Variants in SLIT3 observed in about 807,000 individuals in gnomAD.
SLIT3 encodes slit homolog 3 protein.
Under a neutral mutation model 184.0 loss-of-function variants are expected in SLIT3, and 68 were observed. The ratio of observed to expected loss-of-function variants is 0.37; its 90% confidence interval spans 0.30 to 0.45. The LOEUF (loss-of-function observed/expected upper bound fraction) is 0.45. SLIT3 is among the 20% of genes least tolerant of loss of function. The pLI is 1.00. For synonymous variants in SLIT3, 831 were observed against 828.6 expected (o/e 1.00, Z -0.05); for missense variants, 1,707 against 2,026.0 (o/e 0.84, Z 3.02).
At chr5:169,054,216 TA>T (rs35649544) in intron 4 of SLIT3, among the ~76,000 whole-genome samples, 7,080 of 69,766 alleles carry the variant, frequency 0.1, 183 homozygotes, top group Middle Eastern at 0.12. Flanking sequence ...AGAGAGACAC[TA>T]AAAAAAAAAA....
intron 10 of SLIT3, chr5:168,791,336 A>G (rs1756359551): frequency 6.6e-6 from 1 of 152,220 alleles, no homozygotes; most frequent in Non-Finnish European, 1.5e-5. Flanking sequence ...TTCAGTCCAC[A>G]ACTAGACTTC....
chr5:169,171,945 G>C (rs11958173), intron 4 of SLIT3, among the ~76,000 whole-genome samples: 1,619 of 152,284 alleles, frequency 0.011, 38 homozygotes, highest in African/African-American at 0.037. Context: ...GTGAAGGGTG[G>C]TGTACAAAGA....
chr5:169,167,632 G>A (rs566650072), intron 4 of SLIT3, among the ~76,000 whole-genome samples: 4 of 152,184 alleles, frequency 2.6e-5, no homozygotes, highest in African/African-American at 9.6e-5. Context: ...TGGGAGCGAA[G>A]TACTATGATC....
intron 4 of SLIT3, among the ~76,000 whole-genome samples, chr5:168,917,279 A>T (rs1261147581): frequency 6.6e-6 from 1 of 152,192 alleles, no homozygotes; most frequent in African/African-American, 2.4e-5. Context: ...GCCAAGTCCT[A>T]GTCTTACTAT....
intron 4 of SLIT3, among the ~76,000 whole-genome samples, chr5:169,103,830 G>A (rs1459406590): frequency 2.0e-5 from 3 of 152,064 alleles, no homozygotes; most frequent in East Asian, 2.0e-4. Flanking sequence ...TCCCGACCTC[G>A]TCTCTCACCA....
At chr5:168,958,767 C>T (rs1251238873) in intron 4 of SLIT3, among the ~76,000 whole-genome samples, 3 of 152,228 alleles carry the variant, frequency 2.0e-5, no homozygotes. Context: ...TTTGTGTGTG[C>T]TGTGGTGGAA....
At chr5:168,967,435 A>ATTTTTT (rs556216624) in intron 4 of SLIT3, among the ~76,000 whole-genome samples, 1 of 30,760 alleles carries the variant, frequency 3.3e-5, no homozygotes, top group African/African-American at 1.2e-4. Flanking sequence ...GCCATCTCAA[A>ATTTTTT]TCTTTTTTTT....
rs539902781 is a variant in SLIT3 at position 168,980,002 on chromosome 5, C to T, written c.414-96666G>A. ...GAACTGGGCAAAAAGGGGCTTCCCT[C>T]AGCTCCTGGGATTTCAGAACCAGAC... is the stretch of plus-strand genomic sequence containing the variant. On this transcript the variant is annotated intron_variant, in intron 4 of 35. Coordinates refer to ENST00000519560, the MANE Select transcript of SLIT3 (RefSeq NM_003062.4). Among the ~76,000 whole-genome samples the T allele has an allele frequency of 3.3e-5, 5 of 152,236 alleles. No homozygotes were observed. In the South Asian group the frequency reaches 1.0e-3, roughly 32 times the overall value.
intron 4 of SLIT3, among the ~76,000 whole-genome samples, chr5:169,048,750 A>G (rs1344649350): frequency 6.6e-6 from 1 of 152,224 alleles, no homozygotes; most frequent in African/African-American, 2.4e-5. Context: ...TGTTACAGAC[A>G]TTGCCTCTAT....
intron 4 of SLIT3, among the ~76,000 whole-genome samples, chr5:169,092,178 G>A (rs148348226): frequency 7.9e-5 from 12 of 152,306 alleles, no homozygotes; most frequent in Admixed American, 3.9e-4. Context: ...AGCCGAGATC[G>A]TGCCATTGCA....
intron 4 of SLIT3, among the ~76,000 whole-genome samples, chr5:169,131,866 G>C (rs1457731396): frequency 6.6e-6 from 1 of 152,184 alleles, no homozygotes; most frequent in African/African-American, 2.4e-5. Flanking sequence ...CTGAAGGAAA[G>C]GGTTTAGCTT....
chr5:168,734,448 C>G (rs1247881256), intron 20 of SLIT3, among the ~76,000 whole-genome samples: 2 of 152,190 alleles, frequency 1.3e-5, no homozygotes, highest in African/African-American at 4.8e-5. Flanking sequence ...ACTAGTGTCT[C>G]TCCTCCCTCC....
chr5:168,949,296 C>T (rs537833735), intron 4 of SLIT3, among the ~76,000 whole-genome samples: 5 of 152,268 alleles, frequency 3.3e-5, no homozygotes, highest in African/African-American at 9.6e-5. Context: ...GACCGTTCAG[C>T]GTCTTTGCAG....
chr5:168,722,478 C>T (rs941159078), intron 22 of SLIT3, 151 bp from the exon 23 acceptor site: 3 of 687,714 alleles, frequency 4.4e-6, no homozygotes, highest in Non-Finnish European at 7.5e-6. Flanking sequence ...GAAACCTCTT[C>T]ACCAATCCAG....
chr5:168,761,016 C>T (rs1755128451), intron 15 of SLIT3, 80 bp from the exon 16 acceptor site: 7 of 1,020,918 alleles, frequency 6.9e-6, no homozygotes, highest in South Asian at 6.5e-5. Flanking sequence ...TGCTGCATTG[C>T]TGCCTGAACC....
intron 4 of SLIT3, among the ~76,000 whole-genome samples, chr5:169,140,062 C>G (rs1761667654): frequency 6.6e-6 from 1 of 151,948 alleles, no homozygotes; most frequent in South Asian, 2.1e-4. Flanking sequence ...TCTGCAGGGC[C>G]CTAGAACCAA....
chr5:168,845,524 G>A (rs1257013569), intron 5 of SLIT3, among the ~76,000 whole-genome samples: 1 of 150,506 alleles, frequency 6.6e-6, no homozygotes, highest in Non-Finnish European at 1.5e-5. Flanking sequence ...GTGATCCTGT[G>A]AGCATGAAAA....
intron 4 of SLIT3, among the ~76,000 whole-genome samples, chr5:169,025,492 T>C (rs909613965): frequency 2.0e-5 from 3 of 152,230 alleles, no homozygotes; most frequent in Non-Finnish European, 2.9e-5. Context: ...TCTTCTTTCT[T>C]TTCTTCAATC....
chr5:169,030,104 G>A (rs1432900), intron 4 of SLIT3, among the ~76,000 whole-genome samples: 15,169 of 152,164 alleles, frequency 0.1, 1,321 homozygotes, highest in African/African-American at 0.23. Context: ...ACCCTCCCCT[G>A]AAACTTGTTC....
Sources: allele counts gnomAD v4.1 joint callset (sites outside exome capture counted in the v4.1 genomes callset), GRCh38; gene constraint gnomAD v4.1.1; transcripts MANE v1.5; gene names NCBI Gene and HGNC (gene_info 2026-07-23, HGNC 2026-07-21).